The following PLIN2 variants were observed in gnomAD, a reference collection of about 807,000 sequenced individuals.
PLIN2 encodes perilipin 2, also known as perilipin-2.
PLIN2 carries 33 observed loss-of-function variants against 30.6 expected under a neutral mutation model. The observed-to-expected ratio is 1.08, with a 90% CI of 0.82 to 1.44. PLIN2 has a LOEUF of 1.44. Among genes scored for constraint, PLIN2 ranks in the 40% most tolerant of loss-of-function variants. The pLI, the probability that PLIN2 is intolerant of heterozygous loss-of-function variation, is 0.00. For missense variants in PLIN2, 610 were observed against 531.8 expected (o/e 1.15, Z -1.45); for synonymous variants, 205 against 201.1 (o/e 1.02, Z -0.16).
At chr9:19,113,122 C>A (rs1437382693), downstream of PLIN2, among the ~76,000 whole-genome samples, 1 of 152,104 alleles carries the variant, frequency 6.6e-6, no homozygotes, top group African/African-American at 2.4e-5. Context: ...GCGGGCAGAT[C>A]ACTTGAGGTC....
At chr9:19,124,912 TATG>T (rs1818372441) in intron 3 of PLIN2, among the ~76,000 whole-genome samples, 1 of 152,198 alleles carries the variant, frequency 6.6e-6, no homozygotes, top group Non-Finnish European at 1.5e-5. Context: ...GAAGTACTGA[TATG>T]ATGTGACAAG....
chr9:19,120,531 A>T (rs1818297476), intron 5 of PLIN2, among the ~76,000 whole-genome samples: 1 of 152,164 alleles, frequency 6.6e-6, no homozygotes, highest in Non-Finnish European at 1.5e-5. Context: ...GAACTTTATG[A>T]TTGCTTTAGG....
downstream of PLIN2, among the ~76,000 whole-genome samples, chr9:19,112,345 T>C (rs1014560849): frequency 6.6e-6 from 1 of 152,104 alleles, no homozygotes; most frequent in Non-Finnish European, 1.5e-5. Flanking sequence ...AAAAGAACTG[T>C]TTTCTGGAGG....
intron 1 of PLIN2, 34 bp from the exon 2 acceptor site, chr9:19,126,482 A>C: frequency 7.4e-7 from 1 of 1,344,322 alleles, no homozygotes; most frequent in Admixed American, 1.7e-5. Context: ...GAACACCGGG[A>C]TAAGACTCTC....
chr9:19,122,911 C>A (rs1458766513), intron 4 of PLIN2, among the ~76,000 whole-genome samples: 1 of 152,162 alleles, frequency 6.6e-6, no homozygotes, highest in Admixed American at 6.6e-5. Context: ...GACCACTGGG[C>A]TCTACCATCT....
chr9:19,114,986 G>A (rs1440392625), downstream of PLIN2, among the ~76,000 whole-genome samples: 2 of 152,160 alleles, frequency 1.3e-5, no homozygotes, highest in African/African-American at 2.4e-5. Context: ...AGCTAAGGCT[G>A]GACAGTGAAG....
At chr9:19,119,334 G>C (rs769282011) in intron 6 of PLIN2, among the ~76,000 whole-genome samples, 2 of 152,180 alleles carry the variant, frequency 1.3e-5, no homozygotes, top group Non-Finnish European at 2.9e-5. Flanking sequence ...ACTGTCTCTT[G>C]AATCAGTCCC....
At position 19,119,706 on chromosome 9, in the gene PLIN2, C is replaced by CT. The variant is rs766095696; in HGVS notation, c.720dup (p.Glu241ArgfsTer3). The CT allele has an allele frequency of 2.0e-5, 33 of 1,611,560 alleles. No homozygotes were observed. The highest frequency in any genetic ancestry group is 2.6e-5 in the Non-Finnish European group (31 of 1,178,536). On this transcript the variant is annotated frameshift_variant, in exon 6 of 8. Coordinates refer to ENST00000276914, the MANE Select transcript of PLIN2 (RefSeq NM_001122.4). LOFTEE classifies it high-confidence loss of function. ...GTCTGTTGGCTTTTTTGCTTAGCTT[C>CT]TTTAACCCTGCTGAGAGCCTGCTGG...
chr9:19,121,099 C>T lies in PLIN2; in HGVS notation c.376G>A (p.Ala126Thr), dbSNP rs868181829. The T allele has an allele frequency of 3.1e-6, 5 of 1,614,150 alleles. No individual in the cohort carries two copies. The highest frequency in any genetic ancestry group is 3.4e-6 in the Non-Finnish European group (4 of 1,179,996). ...ATCGTGCTGGCCACAGAATCCTTGG[C>T]CCCAGTCACAGTAGTCGTCACAGCA... ...KDAVTTTVTGAKDSVASTITG... is the reference protein window; with the variant it reads ...KDAVTTTVTGTKDSVASTITG... Residue 126 changes from alanine to threonine, a missense_variant, in exon 5 of 8, where the codon GCC becomes ACC. Physicochemically the swap from Ala to Thr is moderately conservative, Grantham distance 58. Coordinates refer to ENST00000276914, the MANE Select transcript of PLIN2 (RefSeq NM_001122.4).
rs1818401039 is a variant in PLIN2 at position 19,126,444 on chromosome 9, G to A, written c.-18C>T. The A allele has an allele frequency of 6.3e-7, 1 of 1,595,116 alleles. No homozygotes were observed. Among genetic ancestry groups the A allele is most frequent in the Non-Finnish European group, 8.6e-7 (1 of 1,163,860 alleles). ...GATGCCATTTTTCTTCCTGGAGAAA[G>A]AAATCTGCAGAAAAGAGACTTATTT... On this transcript the variant is annotated 5_prime_UTR_variant, in exon 2 of 8. Coordinates refer to ENST00000276914, the MANE Select transcript of PLIN2 (RefSeq NM_001122.4).
At chr9:19,114,928 T>A (rs752108798), downstream of PLIN2, among the ~76,000 whole-genome samples, 5 of 152,210 alleles carry the variant, frequency 3.3e-5, no homozygotes, top group Non-Finnish European at 7.3e-5. Flanking sequence ...CAACAACAAC[T>A]GAGGTTAGTG....
chr9:19,109,220 G>C (rs1008425579), intron 2 of PLIN2, among the ~76,000 whole-genome samples: 1 of 152,074 alleles, frequency 6.6e-6, no homozygotes, highest in African/African-American at 2.4e-5. Context: ...ATACAATTTC[G>C]ATAAGCTAGG....
intron 4 of PLIN2, chr9:19,123,293 G>A: frequency 1.4e-6 from 2 of 1,428,094 alleles, no homozygotes; most frequent in Admixed American, 2.1e-5. Context: ...ACTTGAGACA[G>A]CAATTTCATT....
chr9:19,121,100 C>G lies in PLIN2; in HGVS notation c.375G>C (p.Gly125=). The G allele has an allele frequency of 1.2e-6, 2 of 1,614,148 alleles. No homozygotes were observed. The highest frequency in any genetic ancestry group is 1.7e-6 in the Non-Finnish European group (2 of 1,180,012). The change falls in exon 5 of 8, where the codon GGG becomes GGC. Residue 125 remains glycine, a synonymous_variant. Transcript: ENST00000276914. The part of the protein sequence containing the change: ...AKDAVTTTVT[G]AKDSVASTIT... ...TCGTGCTGGCCACAGAATCCTTGGCCCCAGTCACAGTAGTCGTCACAGCAT... is the reference window on the plus strand; with the variant it reads ...TCGTGCTGGCCACAGAATCCTTGGCGCCAGTCACAGTAGTCGTCACAGCAT...
chr9:19,116,165 T>C lies in PLIN2; in HGVS notation c.*83A>G. 1 of 1,355,008 alleles carries C rather than the reference T, an allele frequency of 7.4e-7. No homozygotes were observed. The highest frequency in any genetic ancestry group is 1.5e-5 in the South Asian group (1 of 67,564). The allele number at this position is 1,355,008 out of a possible 1,614,324, so 83.9% of individuals were successfully genotyped here. A position where few individuals can be genotyped will look rare whatever the true frequency, so the allele number is the denominator to read the frequency against. ...TATACTAGCTACTTGCTTCCCAATT[T>C]AGGGTTGCCTAGCAAGTTAATTTCA... On this transcript the variant is annotated 3_prime_UTR_variant, in exon 8 of 8. Coordinates refer to ENST00000276914, the MANE Select transcript of PLIN2 (RefSeq NM_001122.4).
intron 2 of PLIN2, among the ~76,000 whole-genome samples, chr9:19,109,681 A>AAAAAGG (rs1818134109): frequency 6.6e-6 from 1 of 152,126 alleles, no homozygotes; most frequent in Non-Finnish European, 1.5e-5. Context: ...AAAATCCCTC[A>AAAAAGG]AAAAGACCAG....
At chr9:19,111,250 T>C (rs1038655010), downstream of PLIN2, among the ~76,000 whole-genome samples, 2 of 152,092 alleles carry the variant, frequency 1.3e-5, no homozygotes, top group South Asian at 2.1e-4. Context: ...GGTTTCACCA[T>C]GTTGGCCAGG....
Position 19,127,310 on chromosome 9 carries a change from CG to C in PLIN2, c.-23+108del, listed in dbSNP as rs1475507705. On this transcript the variant is annotated intron_variant, in intron 1 of 7. Coordinates refer to ENST00000276914, the MANE Select transcript of PLIN2 (RefSeq NM_001122.4). This position sits in a 1 kb window ranked among gnomAD's most constrained non-coding sequence, Gnocchi z 4.3. The stretch of plus-strand genomic sequence containing the variant: ...GCGTCCCGTCCACCTTTGAGCCCCG[CG>C]GGGAGCAGAGCAGCGGTCCCAAGGC... 3 of 152,260 alleles carry C rather than the reference CG, an allele frequency of 2.0e-5. No individual in the cohort carries two copies. The highest frequency in any genetic ancestry group is 7.2e-5 in the African/African-American group (3 of 41,458). The allele number at this position is 152,260 out of a possible 1,614,324, so 9.4% of individuals were successfully genotyped here. A position where few individuals can be genotyped will look rare whatever the true frequency, so the allele number is the denominator to read the frequency against.
chr9:19,125,083 G>T (rs1818375013), intron 3 of PLIN2, among the ~76,000 whole-genome samples: 1 of 152,146 alleles, frequency 6.6e-6, no homozygotes, highest in African/African-American at 2.4e-5. Context: ...TAGGAAATGG[G>T]GAGTGACTAC....
Sources: allele counts gnomAD v4.1 joint callset (sites outside exome capture counted in the v4.1 genomes callset), GRCh38; gene constraint gnomAD v4.1.1; non-coding constraint Gnocchi (gnomAD v3.1); transcripts MANE v1.5; gene names NCBI Gene and HGNC (gene_info 2026-07-23, HGNC 2026-07-21).